The following THADA variants were observed in gnomAD, a reference collection of about 807,000 sequenced individuals.
The protein encoded by THADA is tRNA (32-2'-O)-methyltransferase regulator THADA.
THADA carries 213 observed loss-of-function variants against 219.8 expected under a neutral mutation model. The ratio of observed to expected loss-of-function variants is 0.97; its 90% confidence interval spans 0.87 to 1.09. The LOEUF (loss-of-function observed/expected upper bound fraction) is 1.09. Ranked by LOEUF, THADA falls within the 50% of genes least tolerant of loss-of-function variation. The pLI, the probability that THADA is intolerant of heterozygous loss-of-function variation, is 0.00. For missense variants in THADA, 2,956 were observed against 2,311.3 expected (o/e 1.28, Z -5.72); for synonymous variants, 1,018 against 828.9 (o/e 1.23, Z -3.92).
intron 25 of THADA, among the ~76,000 whole-genome samples, chr2:43,494,853 G>A (rs543659901): frequency 2.0e-5 from 3 of 152,132 alleles, no homozygotes; most frequent in Non-Finnish European, 4.4e-5. Flanking sequence ...AGATCTGTAT[G>A]GTTTCAATAC....
At chr2:43,545,696 A>G (rs1328138498) in intron 20 of THADA, among the ~76,000 whole-genome samples, 2 of 151,724 alleles carry the variant, frequency 1.3e-5, no homozygotes, top group Admixed American at 1.3e-4. Flanking sequence ...GGTAGTTTGT[A>G]TTTCTGTGGG....
At chr2:43,355,808 T>G (rs1373455076) in intron 29 of THADA, among the ~76,000 whole-genome samples, 1 of 152,220 alleles carries the variant, frequency 6.6e-6, no homozygotes, top group South Asian at 2.1e-4. Flanking sequence ...GGGGAACTGA[T>G]AGTGGCATAA....
At chr2:43,515,249 T>A (rs13030790) in intron 22 of THADA, among the ~76,000 whole-genome samples, 556 of 13,536 alleles carry the variant, frequency 0.041, 47 homozygotes, top group Non-Finnish European at 0.071. Flanking sequence ...TATAATATAT[T>A]ATATATAATA....
At chr2:43,582,388 T>G (rs1221067796) in intron 7 of THADA, among the ~76,000 whole-genome samples, 1 of 151,310 alleles carries the variant, frequency 6.6e-6, no homozygotes, top group East Asian at 2.0e-4. Flanking sequence ...TCCCAGCTAC[T>G]CAGGGGGCTG....
At position 43,572,872 on chromosome 2, in the gene THADA, C is replaced by T; in HGVS notation, c.1850G>A (p.Trp617Ter). ...TCTTGCATCAGACACGAGGTTCTCCCAGGTATCAGTTGCAGACTGAAGATG... is the reference window on the plus strand; with the variant it reads ...TCTTGCATCAGACACGAGGTTCTCCTAGGTATCAGTTGCAGACTGAAGATG... ...HGHLQSATDT[W>*]ENLVSDARIK... Residue 617 changes from tryptophan (W) to a stop codon, truncating the protein, a stop_gained, in exon 12 of 38, where the codon TGG (tryptophan) becomes TAG (stop). Transcript: ENST00000405975. LOFTEE classifies it high-confidence loss of function. 1 of 1,613,924 alleles carries T rather than the reference C, an allele frequency of 6.2e-7. No homozygotes were observed. The highest frequency in any genetic ancestry group is 1.3e-5 in the African/African-American group (1 of 75,040).
intron 21 of THADA, 43 bp downstream of exon 21, chr2:43,541,116 G>T: frequency 7.0e-7 from 1 of 1,435,686 alleles, no homozygotes; most frequent in Non-Finnish European, 9.2e-7. Context: ...TGATTTATGC[G>T]TTGACCAGAA....
At chr2:43,235,082 C>T (rs996188633) in intron 36 of THADA, among the ~76,000 whole-genome samples, 3 of 151,668 alleles carry the variant, frequency 2.0e-5, no homozygotes, top group Non-Finnish European at 2.9e-5. Flanking sequence ...CGGGTTCAAG[C>T]GATTCTCCTG....
intron 36 of THADA, among the ~76,000 whole-genome samples, chr2:43,248,649 G>C (rs554512351): frequency 7.9e-5 from 12 of 152,216 alleles, no homozygotes; most frequent in Admixed American, 4.6e-4. Flanking sequence ...CATTTACATA[G>C]AGTCACAGTG....
chr2:43,513,197 G>C (rs535384964), intron 22 of THADA, among the ~76,000 whole-genome samples: 1 of 152,204 alleles, frequency 6.6e-6, no homozygotes, highest in Admixed American at 6.5e-5. Flanking sequence ...AAAATCATCG[G>C]TTATTATGAG....
chr2:43,416,591 G>C (rs1336506676), intron 28 of THADA, among the ~76,000 whole-genome samples: 1 of 152,132 alleles, frequency 6.6e-6, no homozygotes, highest in African/African-American at 2.4e-5. Flanking sequence ...TCTCTTGGGG[G>C]CTGGTGGTCA....
In THADA at chr2:43,517,195, G is replaced by A. The variant is rs186380932; in HGVS notation, c.3375-8415C>T. Among the ~76,000 whole-genome samples the A allele has an allele frequency of 2.9e-3, 436 of 152,130 alleles. 3 individuals carry two copies. Among genetic ancestry groups the A allele is most frequent in the Non-Finnish European group, 3.1e-3 (213 of 67,976 alleles). On this transcript the variant is annotated intron_variant, in intron 22 of 37. Transcript: ENST00000405975. Reference sequence around the variant, plus strand: ...ATTGAATTGTGTCTCATTTGTTTTCGAGGTACCCCCACTCCCTTAGGGAAC... The same window carrying A: ...ATTGAATTGTGTCTCATTTGTTTTCAAGGTACCCCCACTCCCTTAGGGAAC...
At chr2:43,558,266 G>A (rs967796141) in intron 16 of THADA, among the ~76,000 whole-genome samples, 1 of 152,134 alleles carries the variant, frequency 6.6e-6, no homozygotes, top group Non-Finnish European at 1.5e-5. Flanking sequence ...TCCTTAGAGA[G>A]ATCAGGTTAG....
intron 31 of THADA, among the ~76,000 whole-genome samples, chr2:43,304,976 C>T (rs1226931355): frequency 6.6e-6 from 1 of 152,118 alleles, no homozygotes; most frequent in African/African-American, 2.4e-5. Flanking sequence ...CCGGCCTAGA[C>T]TTCACTTTCA....
At chr2:43,326,165 C>CAA (rs57917515) in intron 30 of THADA, among the ~76,000 whole-genome samples, 12 of 111,090 alleles carry the variant, frequency 1.1e-4, no homozygotes, top group East Asian at 5.2e-4. Flanking sequence ...CAATGTCTGT[C>CAA]AAAAAAAAAA....
At chr2:43,436,755 C>G (rs373509941) in intron 26 of THADA, among the ~76,000 whole-genome samples, 1 of 152,194 alleles carries the variant, frequency 6.6e-6, no homozygotes, top group Non-Finnish European at 1.5e-5. Flanking sequence ...TCAATGGAGG[C>G]ACTATCAACA....
chr2:43,330,337 G>T (rs1473695170), intron 30 of THADA, among the ~76,000 whole-genome samples: 1 of 152,176 alleles, frequency 6.6e-6, no homozygotes, highest in Non-Finnish European at 1.5e-5. Context: ...GAGGAAGCCT[G>T]ATCATCACTG....
At chr2:43,509,592 A>G (rs936844614) in intron 22 of THADA, among the ~76,000 whole-genome samples, 15 of 152,200 alleles carry the variant, frequency 9.9e-5, no homozygotes, top group Admixed American at 8.5e-4. Context: ...TTGCAGAAAG[A>G]TAACTGATTT....
intron 30 of THADA, 63 bp from the exon 31 acceptor site, chr2:43,320,603 A>C: frequency 8.0e-7 from 1 of 1,250,322 alleles, no homozygotes; most frequent in Non-Finnish European, 1.1e-6. Context: ...GGGTCTCAGG[A>C]AGGAGAACAT....
chr2:43,585,772 C>T (rs1385302187), intron 7 of THADA, among the ~76,000 whole-genome samples: 1 of 151,858 alleles, frequency 6.6e-6, no homozygotes, highest in African/African-American at 2.4e-5. Context: ...ATTTCACTCA[C>T]AAAATAAAAC....
Sources: allele counts gnomAD v4.1 joint callset (sites outside exome capture counted in the v4.1 genomes callset), GRCh38; gene constraint gnomAD v4.1.1; transcripts MANE v1.5; gene names NCBI Gene and HGNC (gene_info 2026-07-23, HGNC 2026-07-21).